The following ABCG2 variants were observed in gnomAD, a reference collection of about 807,000 sequenced individuals.
ABCG2 encodes broad substrate specificity ATP-binding cassette transporter ABCG2.
ABCG2 carries 80 observed loss-of-function variants against 73.5 expected under a neutral mutation model. That is an observed-to-expected ratio of 1.09 (90% confidence interval 0.91 to 1.31). The LOEUF is 1.31. Ranked by LOEUF, ABCG2 falls within the 50% of genes most tolerant of loss-of-function variation. ABCG2 has a pLI of 0.00. For synonymous variants in ABCG2, 269 were observed against 282.4 expected (o/e 0.95, Z 0.48); for missense variants, 796 against 786.2 (o/e 1.01, Z -0.15).
chr4:88,199,227 C>T (rs1049695395), intron 1 of ABCG2, among the ~76,000 whole-genome samples: 1 of 152,042 alleles, frequency 6.6e-6, no homozygotes, highest in Non-Finnish European at 1.5e-5. Flanking sequence ...CCTCAGCCTC[C>T]CAAAGTGCTG....
chr4:88,131,319 G>T (rs1416331735), intron 4 of ABCG2, 106 bp from the exon 5 acceptor site: 2 of 1,231,892 alleles, frequency 1.6e-6, no homozygotes, highest in East Asian at 2.4e-5. Flanking sequence ...CATAACTAAG[G>T]TAAAGTTCTA....
chr4:88,187,473 C>G (rs992518194), intron 1 of ABCG2, among the ~76,000 whole-genome samples: 1 of 151,892 alleles, frequency 6.6e-6, no homozygotes, highest in Admixed American at 6.6e-5. Flanking sequence ...ATTAGCCAGG[C>G]ATGGTGGTGG....
Position 88,178,331 on chromosome 4 carries a change from T to C in ABCG2, c.-19-38317A>G, listed in dbSNP as rs1728090666. Among the ~76,000 whole-genome samples, 3 of 152,232 alleles carry C rather than the reference T, an allele frequency of 2.0e-5. No individual in the cohort carries two copies. In the South Asian group the frequency reaches 6.2e-4, roughly 32 times the overall value. On this transcript the variant is annotated intron_variant, in intron 1 of 15. Coordinates refer to the ABCG2 transcript ENST00000515655. ...CTGAGCCAGAAGGGAAATTGCTGCC[T>C]TGAAGGGAAAAACACAGTCCTGGCA... is the stretch of plus-strand genomic sequence containing the variant.
intron 1 of ABCG2, among the ~76,000 whole-genome samples, chr4:88,174,198 G>A (rs1727865874): frequency 6.6e-6 from 1 of 151,664 alleles, no homozygotes; most frequent in Admixed American, 6.6e-5. Flanking sequence ...TATCTGTGCA[G>A]AATGTGCAGG....
chr4:88,201,225 A>AAG (rs1389154758), intron 1 of ABCG2, among the ~76,000 whole-genome samples: 12 of 151,410 alleles, frequency 7.9e-5, no homozygotes, highest in African/African-American at 2.2e-4. Context: ...AAAAAAAAAA[A>AAG]AGAGAGAGGA....
intron 1 of ABCG2, among the ~76,000 whole-genome samples, chr4:88,196,033 C>A (rs1728930624): frequency 6.6e-6 from 1 of 152,166 alleles, no homozygotes; most frequent in Non-Finnish European, 1.5e-5. Context: ...GGGAGACGAC[C>A]TTTCCCTGGC....
chr4:88,166,986 AT>A (rs1289239170), intron 1 of ABCG2, among the ~76,000 whole-genome samples: 1 of 152,134 alleles, frequency 6.6e-6, no homozygotes, highest in African/African-American at 2.4e-5. Flanking sequence ...AGGGAAGTGT[AT>A]TTGTTTTCTA....
At chr4:88,147,041 G>GAAAGAAAGA (rs1726088245) in intron 1 of ABCG2, among the ~76,000 whole-genome samples, 2 of 138,164 alleles carry the variant, frequency 1.4e-5, no homozygotes, top group African/African-American at 2.7e-5. Context: ...AAGAAAGAAA[G>GAAAGAAAGA]AAAGAAAAGA....
intron 1 of ABCG2, among the ~76,000 whole-genome samples, chr4:88,211,281 T>C (rs1729578859): frequency 1.3e-5 from 2 of 149,156 alleles, no homozygotes; most frequent in Non-Finnish European, 3.0e-5. Flanking sequence ...GATTGCATAC[T>C]GGTGGGGACT....
chr4:88,230,727 A>G (rs55896556), intron 1 of ABCG2, among the ~76,000 whole-genome samples: 22,238 of 152,060 alleles, frequency 0.15, 1,837 homozygotes, highest in Non-Finnish European at 0.19. Flanking sequence ...CCTTCCAAAA[A>G]TGCAAAAAAC....
At chr4:88,192,114 G>T (rs995250099) in intron 1 of ABCG2, among the ~76,000 whole-genome samples, 1 of 151,956 alleles carries the variant, frequency 6.6e-6, no homozygotes, top group African/African-American at 2.4e-5. Flanking sequence ...TCGGGAGGTG[G>T]AGGTTGCGGT....
At chr4:88,198,279 G>T (rs1187303311) in intron 1 of ABCG2, among the ~76,000 whole-genome samples, 1 of 152,146 alleles carries the variant, frequency 6.6e-6, no homozygotes, top group African/African-American at 2.4e-5. Flanking sequence ...GTTGCAGTGA[G>T]TTGAGATTGT....
chr4:88,128,853 T>C (rs921375287), intron 5 of ABCG2, among the ~76,000 whole-genome samples: 2 of 152,108 alleles, frequency 1.3e-5, no homozygotes, highest in African/African-American at 4.8e-5. Flanking sequence ...CAAACCACCA[T>C]AGCACATGTA....
chr4:88,119,672 TG>T (rs1305138685), intron 6 of ABCG2, among the ~76,000 whole-genome samples: 2 of 152,208 alleles, frequency 1.3e-5, no homozygotes, highest in African/African-American at 2.4e-5. Context: ...TGTGGAACTA[TG>T]AACTTGAGAG....
intron 6 of ABCG2, among the ~76,000 whole-genome samples, chr4:88,118,621 GAACT>G (rs1303310145): frequency 6.6e-6 from 1 of 152,138 alleles, no homozygotes; most frequent in Non-Finnish European, 1.5e-5. Flanking sequence ...ACAAGTTTGA[GAACT>G]AACTATGGAC....
At position 88,097,414 on chromosome 4, in the gene ABCG2, A is replaced by T. The variant is rs745562155; in HGVS notation, c.1647+39T>A. 27 of 1,599,328 alleles carry T rather than the reference A, an allele frequency of 1.7e-5. No individual in the cohort carries two copies. The Admixed American group carries it at 2.3e-4, about 13-fold the overall frequency. On this transcript the variant is annotated intron_variant, in intron 13 of 15. Transcript: ENST00000237612. ...ATGTGCAGGAAGAAATGAAGGAAAAAAACAATTCCTTATCAGAGCAAACAC... is the reference window on the plus strand; with the variant it reads ...ATGTGCAGGAAGAAATGAAGGAAAATAACAATTCCTTATCAGAGCAAACAC...
intron 1 of ABCG2, among the ~76,000 whole-genome samples, chr4:88,194,628 G>A (rs1728865252): frequency 6.7e-6 from 1 of 148,786 alleles, no homozygotes; most frequent in Non-Finnish European, 1.5e-5. Flanking sequence ...TGTCTTTGGA[G>A]TGACTGCTTC....
At chr4:88,191,037 C>T (rs749049306) in intron 1 of ABCG2, among the ~76,000 whole-genome samples, 3 of 150,928 alleles carry the variant, frequency 2.0e-5, no homozygotes, top group Non-Finnish European at 4.4e-5. Flanking sequence ...GAGATCAAGA[C>T]CATCCTGGCT....
chr4:88,167,587 CT>C (rs773767044), intron 1 of ABCG2, among the ~76,000 whole-genome samples: 2 of 152,020 alleles, frequency 1.3e-5, no homozygotes, highest in Non-Finnish European at 2.9e-5. Flanking sequence ...ATTGGCCAGG[CT>C]GGTTTCGAAC....
Sources: allele counts gnomAD v4.1 joint callset (sites outside exome capture counted in the v4.1 genomes callset), GRCh38; gene constraint gnomAD v4.1.1; transcripts MANE v1.5; gene names NCBI Gene and HGNC (gene_info 2026-07-23, HGNC 2026-07-21).